The following MME variants were observed in gnomAD, a reference collection of about 807,000 sequenced individuals.
The protein encoded by MME is membrane metalloendopeptidase.
In MME, 98 loss-of-function variants were observed where a neutral mutation model predicts 113.2. The ratio of observed to expected loss-of-function variants is 0.87; its 90% CI spans 0.74 to 1.02. The LOEUF (loss-of-function observed/expected upper bound fraction) is 1.02. MME is among the 50% of genes least tolerant of loss of function. The probability of loss-of-function intolerance (pLI) is 0.00; values close to 1 mark genes in which losing one functional copy is unlikely to be tolerated. For missense variants in MME, 836 were observed against 896.0 expected (o/e 0.93, Z 0.86); for synonymous variants, 292 against 300.6 (o/e 0.97, Z 0.30).
intron 16 of MME, among the ~76,000 whole-genome samples, chr3:155,157,860 G>A (rs544835680): frequency 1.3e-5 from 2 of 152,208 alleles, no homozygotes; most frequent in East Asian, 1.9e-4. Context: ...GTCATAAATA[G>A]CTACCTATTT....
At chr3:155,057,636 C>T (rs1438823029) in intron 1 of MME, among the ~76,000 whole-genome samples, 1 of 151,812 alleles carries the variant, frequency 6.6e-6, no homozygotes, top group African/African-American at 2.4e-5. Context: ...ACATTTTATA[C>T]TCTCAGAGTG....
In MME at chr3:155,144,361, C is replaced by T. The variant is rs770000057; in HGVS notation, c.1320C>T (p.Val440=). ...AAFAGESKHV[V]EDLIAQIREV... is the part of the protein sequence containing the mutation. ...TTTGTCTTCTGTTCTGATTTGAGGT[C>T]GAGGATTTGATTGCACAGATCCGAG... The change falls in exon 14 of 23, where the codon GTC becomes GTT. Residue 440 remains valine (V), a splice_region_variant and synonymous_variant. Transcript: ENST00000360490. 31 of 1,607,608 alleles carry T rather than the reference C, an allele frequency of 1.9e-5. No individual in the cohort carries two copies. The Admixed American group carries it at 3.0e-4, about 16-fold the overall frequency.
At chr3:155,099,241 G>A (rs1717000039) in intron 3 of MME, among the ~76,000 whole-genome samples, 1 of 152,144 alleles carries the variant, frequency 6.6e-6, no homozygotes, top group African/African-American at 2.4e-5. Flanking sequence ...CTGGCATATA[G>A]TGTGGGATTC....
At chr3:155,158,167 C>T (rs1722449481) in intron 16 of MME, among the ~76,000 whole-genome samples, 1 of 151,962 alleles carries the variant, frequency 6.6e-6, no homozygotes, top group South Asian at 2.1e-4. Context: ...CTTGGATTGG[C>T]ACCTTTTCTA....
In MME at chr3:155,143,461, T is replaced by G. The variant is rs1263346482; in HGVS notation, c.1207T>G (p.Ser403Ala). The change falls in exon 13 of 23, where the codon TCA becomes GCA. Residue 403 changes from serine (S) to alanine (A), a missense_variant. Ser to Ala is a moderately conservative substitution (Grantham distance 99). Coordinates refer to ENST00000360490, the MANE Select transcript of MME (RefSeq NM_007289.4). The stretch of plus-strand genomic sequence containing the variant: ...TCCGTAGGCCCTTTATGGTACAACC[T>G]CAGAAACAGCAACTTGGAGACGTTG... ...AFRKALYGTTSETATWRRCAN... is the reference protein window; with the variant it reads ...AFRKALYGTTAETATWRRCAN... 6.2e-7 allele frequency: 1 copy of G among 1,612,464 alleles called. No homozygotes were observed. Among genetic ancestry groups the G allele is most frequent in the East Asian group, 2.2e-5 (1 of 44,824 alleles).
chr3:155,064,029 G>GC (rs1559897189), intron 1 of MME, among the ~76,000 whole-genome samples: 1 of 152,064 alleles, frequency 6.6e-6, no homozygotes, highest in Non-Finnish European at 1.5e-5. Context: ...GGTGGCTCAT[G>GC]CCTGTAATCT....
chr3:155,176,453 TAAC>T (rs1457873988), intron 22 of MME, among the ~76,000 whole-genome samples: 1 of 152,188 alleles, frequency 6.6e-6, no homozygotes, highest in Admixed American at 6.6e-5. Context: ...TATCTTCTAA[TAAC>T]AGAGGATAAT....
In MME at chr3:155,118,953, G is replaced by C. The variant is rs1362641860; in HGVS notation, c.720+142G>C. 7.6e-6 allele frequency: 5 copies of C among 660,116 alleles called. No individual in the cohort carries two copies. The Admixed American group carries it at 1.0e-4, about 14-fold the overall frequency. 40.9% of individuals were successfully genotyped at this position (660,116 alleles called of 1,614,324 possible). ...CAGGGACTTAAAATCACACATAATA[G>C]TGAGCTGTCTTTGATAGAATGAACA... On this transcript the variant is annotated intron_variant, in intron 8 of 22. Coordinates refer to ENST00000360490, the MANE Select transcript of MME (RefSeq NM_007289.4).
At chr3:155,095,894 C>A (rs1421224190) in intron 3 of MME, among the ~76,000 whole-genome samples, 5 of 152,152 alleles carry the variant, frequency 3.3e-5, no homozygotes, top group Non-Finnish European at 4.4e-5. Context: ...GCACCTAAAC[C>A]AGAGCGGGTC....
intron 16 of MME, among the ~76,000 whole-genome samples, chr3:155,153,396 G>C (rs944159618): frequency 2.0e-5 from 3 of 152,108 alleles, no homozygotes; most frequent in Non-Finnish European, 4.4e-5. Flanking sequence ...GCGCCAGTTT[G>C]TAAAGAATTT....
intron 3 of MME, among the ~76,000 whole-genome samples, chr3:155,102,352 C>G (rs1377458387): frequency 6.6e-6 from 1 of 152,122 alleles, no homozygotes; most frequent in African/African-American, 2.4e-5. Flanking sequence ...TGGGGGTATA[C>G]TTAAAATTAT....
rs182233953 is a variant in MME at position 155,142,779 on chromosome 3, T to C, written c.1188+449T>C. ...TTAAATAAGACCTTTTCTTAGCCTA[T>C]ACCTATATTATTTAAACAATCACTG... On this transcript the variant is annotated intron_variant, in intron 12 of 22. Coordinates refer to ENST00000360490, the MANE Select transcript of MME (RefSeq NM_007289.4). Among the ~76,000 whole-genome samples, 175 of 152,268 alleles carry C rather than the reference T, an allele frequency of 1.1e-3. 1 individual carries two copies. Among genetic ancestry groups the C allele is most frequent in the African/African-American group, 4.1e-3 (172 of 41,564 alleles).
At chr3:155,177,430 G>A (rs376417643) in intron 22 of MME, among the ~76,000 whole-genome samples, 12 of 152,206 alleles carry the variant, frequency 7.9e-5, no homozygotes, top group East Asian at 7.8e-4. Context: ...CTTGAGTCCC[G>A]CAACCTGAAA....
At chr3:155,106,544 A>G (rs376375034) in intron 3 of MME, among the ~76,000 whole-genome samples, 49 of 152,264 alleles carry the variant, frequency 3.2e-4, no homozygotes, top group African/African-American at 1.2e-3. Flanking sequence ...GGTTCCCCAG[A>G]TTCCAGTTTT....
In MME at chr3:155,138,118, T is replaced by G; in HGVS notation, c.737T>G (p.Val246Gly). The G allele has an allele frequency of 6.2e-7, 1 of 1,613,790 alleles. No homozygotes were observed. The highest frequency in any genetic ancestry group is 1.3e-5 in the African/African-American group (1 of 75,018). The stretch of plus-strand genomic sequence containing the variant: ...TTCTTGCAGGCTTGTACAGCATATG[T>G]GGATTTTATGATTTCTGTGGCCAGA... Reference protein sequence around the residue: ...GIYKEACTAYVDFMISVARLI... With the variant: ...GIYKEACTAYGDFMISVARLI... The change falls in exon 9 of 23, where the codon GTG becomes GGG. Residue 246 changes from valine to glycine, a missense_variant. Physicochemically the swap from Val to Gly is moderately radical, Grantham distance 109. Transcript: ENST00000360490.
rs947822867 is a variant in MME, at chr3:155,049,056, A to G, written c.-11+24732A>G. 4.2e-4 allele frequency among the ~76,000 whole-genome samples: 64 copies of G among 151,592 alleles called. 1 individual carries two copies. The highest frequency in any genetic ancestry group is 3.8e-4 in the Non-Finnish European group (26 of 67,884). On this transcript the variant is annotated intron_variant, in intron 1 of 22. Coordinates refer to the MME transcript ENST00000492661. ...GAAATCTCCCATTTTATTTCTTTCT[A>G]TTGCTTCATTATTTTATTTTTTATT...
intron 9 of MME, 151 bp from the exon 10 acceptor site, chr3:155,140,040 T>C: frequency 2.0e-6 from 1 of 491,808 alleles, no homozygotes; most frequent in South Asian, 2.9e-5. Context: ...ACATTTCACT[T>C]TTTTTGAAAT....
chr3:155,080,892 C>A (rs556024065), intron 1 of MME: 1 of 152,294 alleles, frequency 6.6e-6, no homozygotes, highest in African/African-American at 2.4e-5. Flanking sequence ...TCATCCCCTG[C>A]CATTTTTGTG....
intron 1 of MME, among the ~76,000 whole-genome samples, chr3:155,060,494 A>T (rs2108134990): frequency 6.6e-6 from 1 of 152,220 alleles, no homozygotes; most frequent in East Asian, 1.9e-4. Context: ...TAGAGTCCTC[A>T]CAGTCTTCCC....
Sources: gnomAD v4.1 joint callset for allele counts (sites outside exome capture counted in the v4.1 genomes callset) on GRCh38, gnomAD v4.1.1 for gene constraint, MANE v1.5 for transcripts, NCBI Gene and HGNC (gene_info 2026-07-23, HGNC 2026-07-21) for gene names.